Variants in NISCH observed in about 807,000 individuals in gnomAD.
NISCH encodes I-1 receptor candidate protein.
NISCH carries 55 observed loss-of-function variants against 138.4 expected under a neutral mutation model. The ratio of observed to expected loss-of-function variants is 0.40; its 90% CI spans 0.32 to 0.50. The LOEUF is 0.50. NISCH is among the 20% of genes least tolerant of loss of function. The probability of loss-of-function intolerance (pLI) is 0.71; values close to 1 mark genes in which losing one functional copy is unlikely to be tolerated. For missense variants in NISCH, 1,643 were observed against 2,005.5 expected (o/e 0.82, Z 3.45); for synonymous variants, 860 against 861.5 (o/e 1.00, Z 0.03).
At chr3:52,458,182 G>A (rs1706530139) in intron 2 of NISCH, among the ~76,000 whole-genome samples, 1 of 152,222 alleles carries the variant, frequency 6.6e-6, no homozygotes, top group South Asian at 2.1e-4. Flanking sequence ...GGTATGAGAT[G>A]CTCAGACAGT....
chr3:52,489,808 C>CT, intron 17 of NISCH, 130 bp downstream of exon 17: 1 of 1,436,744 alleles, frequency 7.0e-7, no homozygotes, highest in African/African-American at 1.4e-5. Context: ...CTGCTCACAG[C>CT]TTTGAGGACC....
intron 19 of NISCH, 89 bp downstream of exon 19, chr3:52,490,922 T>C (rs1360190214): frequency 3.4e-5 from 53 of 1,546,394 alleles, no homozygotes; most frequent in Non-Finnish European, 1.1e-5. Context: ...TGGGTTATCA[T>C]AGACAGTTAT....
rs60665579 is a variant in NISCH at position 52,492,826 on chromosome 3, TTGTTGCTGTTGCTGTTGC to T, written c.*368_*385del. ...TTCCTGAAGTGTCGAGTCCAGTCCT[TTGTTGCTGTTGCTGTTGC>T]TGTTGCTGTTGCTGTTGCTGTTGGC... On this transcript the variant is annotated 3_prime_UTR_variant, in exon 21 of 21. Coordinates refer to ENST00000345716, the MANE Select transcript of NISCH (RefSeq NM_007184.4). 4.6e-4 allele frequency: 97 copies of T among 208,856 alleles called. No homozygotes were observed. Among genetic ancestry groups the T allele is most frequent in the African/African-American group, 1.7e-3 (72 of 42,830 alleles). The allele number at this position is 208,856 out of a possible 1,614,324, so 12.9% of individuals were successfully genotyped here. A position where few individuals can be genotyped will look rare whatever the true frequency, so the allele number is the denominator to read the frequency against.
chr3:52,455,729 T>C lies in NISCH; in HGVS notation c.88T>C (p.Tyr30His). 2.2e-6 allele frequency: 3 copies of C among 1,362,806 alleles called. No individual in the cohort carries two copies. Among genetic ancestry groups the C allele is most frequent in the East Asian group, 2.8e-5 (1 of 35,736 alleles). 84.4% of individuals were successfully genotyped at this position (1,362,806 alleles called of 1,614,324 possible). A position where few individuals can be genotyped will look rare whatever the true frequency, so the allele number is the denominator to read the frequency against. The change falls in exon 1 of 21, where the codon TAT (tyrosine) becomes CAT (histidine). Residue 30 changes from tyrosine (Y) to histidine (H), a missense_variant. Coordinates refer to ENST00000345716, the MANE Select transcript of NISCH (RefSeq NM_007184.4). ...RVVGSELVDT[Y>H]TVYIIQVTDG... ...CGTGGGCTCGGAGCTTGTGGACACT[T>C]ATACGGTGTGTTGGGGGCGCGGGCA...
chr3:52,490,112 C>T lies in NISCH; in HGVS notation c.3494C>T (p.Ser1165Leu), dbSNP rs139961321. The T allele has an allele frequency of 4.5e-5, 73 of 1,613,550 alleles. No individual in the cohort carries two copies. The highest frequency in any genetic ancestry group is 5.8e-5 in the Non-Finnish European group (69 of 1,180,028). The change falls in exon 18 of 21, where the codon TCG becomes TTG. Residue 1165 changes from serine (S) to leucine (L), a missense_variant. Physicochemically the swap from Ser to Leu is moderately radical, Grantham distance 145. Transcript: ENST00000345716. ...NEELRHLMWS[S>L]VVFYQTPGLE... is the part of the protein sequence containing the mutation. ...GAGCTGAGGCACCTCATGTGGTCCTCGGTGGTGTTCTACCAGACCCCAGGG... is the reference window on the plus strand; with the variant it reads ...GAGCTGAGGCACCTCATGTGGTCCTTGGTGGTGTTCTACCAGACCCCAGGG...
intron 13 of NISCH, 51 bp from the exon 14 acceptor site, chr3:52,484,462 T>TTGCCCCCCCCC: frequency 1.4e-5 from 11 of 788,670 alleles, no homozygotes; most frequent in East Asian, 7.0e-5. Context: ...ACAGCCGCTC[T>TTGCCCCCCCCC]CCCCGCCCCA....
At chr3:52,470,788 T>A in intron 3 of NISCH, 71 bp from the exon 4 acceptor site, 1 of 1,232,012 alleles carries the variant, frequency 8.1e-7, no homozygotes, top group Non-Finnish European at 1.2e-6. Context: ...AGGGGATAGA[T>A]AGCGGGGAAT....
intron 13 of NISCH, chr3:52,481,595 G>A (rs1158473917): frequency 7.1e-6 from 7 of 985,598 alleles, no homozygotes; most frequent in Non-Finnish European, 8.4e-6. Context: ...AGCTGCATCT[G>A]CTTCTCAAGG....
chr3:52,488,288 C>G lies in NISCH; in HGVS notation c.2796C>G (p.Thr932=). The change falls in exon 16 of 21, where the codon ACC becomes ACG. Residue 932 remains threonine (T), a synonymous_variant. Transcript: ENST00000345716. ...TCAACCCCATGCCCAACCGTGGCAC[C>G]CACAACTGTCGCAACCGCAACAGCT... ...ADFNPMPNRG[T]HNCRNRNSFK... 1 of 1,610,732 alleles carries G rather than the reference C, an allele frequency of 6.2e-7. No homozygotes were observed. Among genetic ancestry groups the G allele is most frequent in the Non-Finnish European group, 8.5e-7 (1 of 1,179,982 alleles).
At chr3:52,485,562 G>A (rs993161895) in intron 14 of NISCH, among the ~76,000 whole-genome samples, 5 of 152,222 alleles carry the variant, frequency 3.3e-5, no homozygotes, top group East Asian at 1.9e-4. Flanking sequence ...TCCCAGCCCT[G>A]CTGTGTGCTG....
chr3:52,477,883 T>C (rs937406025), intron 9 of NISCH: 23 of 636,576 alleles, frequency 3.6e-5, no homozygotes, highest in Non-Finnish European at 6.0e-5. Context: ...TGGACAGCCA[T>C]GTTTTCAACG....
At position 52,488,148 on chromosome 3, in the gene NISCH, C is replaced by G. The variant is rs368653205; in HGVS notation, c.2656C>G (p.Leu886Val). 2.5e-6 allele frequency: 4 copies of G among 1,613,188 alleles called. No homozygotes were observed. Among genetic ancestry groups the G allele is most frequent in the Non-Finnish European group, 2.5e-6 (3 of 1,179,974 alleles). ...SGNIEWASCT[L>V]CSAVRRSCCA... is the part of the protein sequence containing the mutation. ...CAACATCGAGTGGGCCAGCTGCACA[C>G]TCTGTTCAGCCGTGCGGCGCTCCTG... The change falls in exon 16 of 21, where the codon CTC (leucine) becomes GTC (valine). Residue 886 changes from leucine (L) to valine (V), a missense_variant. Leu to Val is a conservative substitution (Grantham distance 32, BLOSUM62 1). Coordinates refer to ENST00000345716, the MANE Select transcript of NISCH (RefSeq NM_007184.4).
chr3:52,467,003 T>C (rs558704295), intron 3 of NISCH, among the ~76,000 whole-genome samples: 111 of 145,358 alleles, frequency 7.6e-4, no homozygotes, highest in African/African-American at 2.7e-3. Context: ...CTTTTTCTTT[T>C]TTTTTTTTTT....
At chr3:52,469,518 A>G (rs1263051862) in intron 3 of NISCH, among the ~76,000 whole-genome samples, 1 of 152,202 alleles carries the variant, frequency 6.6e-6, no homozygotes. Flanking sequence ...TGCAATCCCA[A>G]CAACTTGGGA....
At chr3:52,475,567 C>T (rs977483272) in intron 7 of NISCH, 4 of 151,708 alleles carry the variant, frequency 2.6e-5, no homozygotes, top group Admixed American at 1.3e-4. Context: ...TGGCCAGTAG[C>T]AGTGGCTTGC....
chr3:52,483,261 T>G (rs1342353811), intron 13 of NISCH, among the ~76,000 whole-genome samples: 1 of 152,174 alleles, frequency 6.6e-6, no homozygotes, highest in African/African-American at 2.4e-5. Flanking sequence ...GTGTGAGTTG[T>G]CCTGTCCCGG....
chr3:52,491,244 C>T (rs960601546), intron 19 of NISCH, 108 bp from the exon 20 acceptor site: 17 of 1,469,200 alleles, frequency 1.2e-5, no homozygotes, highest in Non-Finnish European at 1.4e-5. Flanking sequence ...GCCCTCCTGG[C>T]CCTGGCCTCT....
At chr3:52,480,102 G>A in intron 12 of NISCH, 82 bp from the exon 13 acceptor site, 1 of 1,499,620 alleles carries the variant, frequency 6.7e-7, no homozygotes, top group Non-Finnish European at 9.2e-7. Flanking sequence ...GGGAACCGTT[G>A]CGCTCCCTCC....
At chr3:52,477,547 A>G (rs1477012141) in intron 8 of NISCH, 27 bp from the exon 9 acceptor site, 2 of 1,604,606 alleles carry the variant, frequency 1.2e-6, no homozygotes, top group Non-Finnish European at 8.5e-7. Flanking sequence ...CCCTACAGTA[A>G]CATCGGGTGT....
Sources: gnomAD v4.1 joint callset for allele counts (sites outside exome capture counted in the v4.1 genomes callset) on GRCh38, gnomAD v4.1.1 for gene constraint, MANE v1.5 for transcripts, NCBI Gene and HGNC (gene_info 2026-07-23, HGNC 2026-07-21) for gene names.